Variants in MTAP observed in about 807,000 individuals in gnomAD.
The protein encoded by MTAP is methylthioadenosine phosphorylase, also known as S-methyl-5'-thioadenosine phosphorylase.
Under a neutral mutation model 33.6 loss-of-function variants are expected in MTAP, and 33 were observed. The observed-to-expected ratio is 0.98, with a 90% CI of 0.74 to 1.31. The LOEUF (loss-of-function observed/expected upper bound fraction) is 1.31, where lower values mean the gene tolerates loss of function less well. Ranked by LOEUF, MTAP falls within the 40% of genes most tolerant of loss-of-function variation. The probability of loss-of-function intolerance (pLI) is 0.00; values close to 1 mark genes in which losing one functional copy is unlikely to be tolerated. For missense variants in MTAP, 367 were observed against 360.0 expected, an observed-to-expected ratio of 1.02 and a Z score of -0.16; for synonymous variants, 148 against 125.7, an observed-to-expected ratio of 1.18 and a Z score of -1.19.
intron 4 of MTAP, among the ~76,000 whole-genome samples, chr9:21,827,411 C>A (rs1390349636): frequency 1.3e-5 from 2 of 152,148 alleles, no homozygotes; most frequent in East Asian, 1.9e-4. Context: ...ATTATAATTT[C>A]CAGTCTATCA....
chr9:21,826,865 C>T (rs1380765500), intron 4 of MTAP, among the ~76,000 whole-genome samples: 1 of 152,020 alleles, frequency 6.6e-6, no homozygotes, highest in Non-Finnish European at 1.5e-5. Context: ...AGCATTACCA[C>T]CTGAGCTCCC....
chr9:21,816,175 T>C (rs1824469987), intron 2 of MTAP, among the ~76,000 whole-genome samples: 1 of 152,108 alleles, frequency 6.6e-6, no homozygotes, highest in Non-Finnish European at 1.5e-5. Flanking sequence ...TCAGCTAAAT[T>C]CTTAGGTTGA....
At chr9:21,873,751 G>T (rs1219460834) in intron 1 of MTAP, among the ~76,000 whole-genome samples, 1 of 151,898 alleles carries the variant, frequency 6.6e-6, no homozygotes, top group Non-Finnish European at 1.5e-5. Context: ...CAATTTAAAA[G>T]GAACAGCTAT....
chr9:21,833,209 A>T (rs909123633), intron 4 of MTAP, among the ~76,000 whole-genome samples: 2 of 151,852 alleles, frequency 1.3e-5, no homozygotes, highest in Non-Finnish European at 2.9e-5. Flanking sequence ...TTTTTTTGAG[A>T]CAAGATCTCA....
intron 1 of MTAP, among the ~76,000 whole-genome samples, chr9:21,810,587 C>T (rs894476140): frequency 6.6e-6 from 1 of 152,140 alleles, no homozygotes; most frequent in Non-Finnish European, 1.5e-5. Context: ...GGTACTACCT[C>T]CCAGCATCAC....
At chr9:21,850,819 G>T (rs1334818146) in intron 5 of MTAP, among the ~76,000 whole-genome samples, 1 of 152,162 alleles carries the variant, frequency 6.6e-6, no homozygotes, top group Non-Finnish European at 1.5e-5. Context: ...GCAGCATTCA[G>T]TTATCAAATG....
downstream of MTAP, chr9:21,933,466 A>T (rs1390673936): frequency 6.6e-6 from 1 of 152,096 alleles, no homozygotes; most frequent in African/African-American, 2.4e-5. Context: ...CTCTGCCATT[A>T]AGATCTACAT....
downstream of MTAP, among the ~76,000 whole-genome samples, chr9:21,939,954 A>C (rs1017068555): frequency 6.6e-6 from 1 of 152,088 alleles, no homozygotes; most frequent in African/African-American, 2.4e-5. Flanking sequence ...CAAGGTTTTA[A>C]ATAGAATATC....
At chr9:21,897,199 C>A (rs889507684) in intron 1 of MTAP, among the ~76,000 whole-genome samples, 1 of 152,190 alleles carries the variant, frequency 6.6e-6, no homozygotes, top group Non-Finnish European at 1.5e-5. Flanking sequence ...GCTAAAAACT[C>A]TCCATAAGCT....
intron 1 of MTAP, among the ~76,000 whole-genome samples, chr9:21,880,206 G>A (rs1817983658): frequency 6.6e-6 from 1 of 152,082 alleles, no homozygotes; most frequent in Non-Finnish European, 1.5e-5. Context: ...AAGAGTAAGA[G>A]AGCTAAGTTA....
intron 1 of MTAP, among the ~76,000 whole-genome samples, chr9:21,909,826 C>T (rs1192291791): frequency 6.6e-6 from 1 of 152,008 alleles, no homozygotes; most frequent in Non-Finnish European, 1.5e-5. Context: ...TACTAATTTC[C>T]CCACTTTATA....
At chr9:21,926,686 G>T (rs900521385) in intron 1 of MTAP, among the ~76,000 whole-genome samples, 1 of 152,136 alleles carries the variant, frequency 6.6e-6, no homozygotes, top group East Asian at 1.9e-4. Context: ...AGGGTTGAGG[G>T]TGTCTCCTAC....
At chr9:21,838,097 G>A in intron 5 of MTAP, 87 bp downstream of exon 5, 1 of 1,042,114 alleles carries the variant, frequency 9.6e-7, no homozygotes, top group Non-Finnish European at 1.5e-6. Context: ...CAGAGCGAGT[G>A]GCCCCATACC....
At chr9:21,873,493 G>A (rs1825963138) in intron 1 of MTAP, among the ~76,000 whole-genome samples, 1 of 152,084 alleles carries the variant, frequency 6.6e-6, no homozygotes, top group African/African-American at 2.4e-5. Flanking sequence ...GCCCGAGGGA[G>A]CTCTTTTGCC....
chr9:21,882,620 A>AT (rs1480016759), intron 1 of MTAP, among the ~76,000 whole-genome samples: 2 of 151,462 alleles, frequency 1.3e-5, no homozygotes, highest in Non-Finnish European at 2.9e-5. Flanking sequence ...TTTGAACAAC[A>AT]TAATTATCAA....
chr9:21,919,668 G>C (rs1275120296), intron 1 of MTAP, among the ~76,000 whole-genome samples: 1 of 152,210 alleles, frequency 6.6e-6, no homozygotes, highest in Non-Finnish European at 1.5e-5. Flanking sequence ...GCTGGGTAAG[G>C]AGTGGAGTGA....
At chr9:21,898,726 G>A (rs1248766948) in intron 1 of MTAP, among the ~76,000 whole-genome samples, 1 of 152,148 alleles carries the variant, frequency 6.6e-6, no homozygotes, top group African/African-American at 2.4e-5. Context: ...TAAAAAGTCA[G>A]GAAACAACAG....
rs548255744 is a variant in MTAP at position 21,808,467 on chromosome 9, T to C, written c.33+5686T>C. Among the ~76,000 whole-genome samples the C allele has an allele frequency of 8.0e-5, 12 of 150,908 alleles. No homozygotes were observed. The East Asian group carries it at 1.2e-3, about 15-fold the overall frequency. On this transcript the variant is annotated intron_variant, in intron 1 of 7. Coordinates refer to ENST00000644715, the MANE Select transcript of MTAP (RefSeq NM_002451.4). ...TTAGCCAGGCGTGGCGGTGCACGCTTGTAGTTCAGCTCCTTGGGGGCTGAG... is the reference window on the plus strand; with the variant it reads ...TTAGCCAGGCGTGGCGGTGCACGCTCGTAGTTCAGCTCCTTGGGGGCTGAG...
At chr9:21,886,158 T>C (rs956998301) in intron 1 of MTAP, among the ~76,000 whole-genome samples, 6 of 151,966 alleles carry the variant, frequency 3.9e-5, no homozygotes, top group Non-Finnish European at 5.9e-5. Flanking sequence ...CCTTGCAGGA[T>C]TAAGGTCGTA....
Sources: allele counts gnomAD v4.1 joint callset (sites outside exome capture counted in the v4.1 genomes callset), GRCh38; gene constraint gnomAD v4.1.1; transcripts MANE v1.5; gene names NCBI Gene and HGNC (gene_info 2026-07-23, HGNC 2026-07-21).